POF1B: variants seen among roughly 807,000 people sequenced by gnomAD.
POF1B encodes protein POF1B.
Under a neutral mutation model 55.3 loss-of-function variants are expected in POF1B, and 53 were observed. That is an observed-to-expected ratio of 0.96 (90% confidence interval 0.77 to 1.20). The LOEUF is 1.20. Ranked by LOEUF, POF1B falls within the 50% of genes most tolerant of loss-of-function variation. POF1B has a pLI of 0.00. For missense variants in POF1B, 478 were observed against 420.5 expected, an observed-to-expected ratio of 1.14 and a Z score of -1.20; for synonymous variants, 188 against 148.3, an observed-to-expected ratio of 1.27 and a Z score of -1.95.
rs761406443 is a variant in POF1B, at chrX:85,350,332, T to C, written c.540+1018A>G. ...GTTTACTGAGAATGATGATTTCCAA[T>C]TTCATCCATGTCCCTACAAAGGACA... On this transcript the variant is annotated intron_variant, in intron 5 of 16. Transcript: ENST00000262753. 6.4e-3 allele frequency among the ~76,000 whole-genome samples: 712 copies of C among 110,851 alleles called. 11 individuals are homozygous for C. Among genetic ancestry groups the C allele is most frequent in the African/African-American group, 0.022 (675 of 30,486 alleles).
rs151250031 is a variant in POF1B, at chrX:85,356,607, G to A, written c.438+2943C>T. 6.4e-3 allele frequency among the ~76,000 whole-genome samples: 699 copies of A among 109,901 alleles called. 2 individuals carry two copies. The highest frequency in any genetic ancestry group is 0.019 in the Middle Eastern group (4 of 214). The stretch of plus-strand genomic sequence containing the variant: ...TTACTTTCCCCAAATCTGTAAGGAA[G>A]TAAATCAAAAATTGATTTAAATAAA... On this transcript the variant is annotated intron_variant, in intron 4 of 16. Coordinates refer to ENST00000262753, the MANE Select transcript of POF1B (RefSeq NM_024921.4).
chrX:85,357,529 C>G (rs906772563), intron 4 of POF1B, among the ~76,000 whole-genome samples: 2 of 111,051 alleles, frequency 1.8e-5, no homozygotes, highest in Non-Finnish European at 3.8e-5. Flanking sequence ...ACCAAAACTG[C>G]TCTATCAATG....
At chrX:85,286,345 C>T (rs1319956202) in intron 15 of POF1B, among the ~76,000 whole-genome samples, 1 of 109,650 alleles carries the variant, frequency 9.1e-6, no homozygotes, top group South Asian at 3.8e-4. Flanking sequence ...TTAAATGAAA[C>T]ATGAAGAAAT....
At chrX:85,332,247 G>A (rs989779342) in intron 6 of POF1B, among the ~76,000 whole-genome samples, 15 of 111,260 alleles carry the variant, frequency 1.3e-4, no homozygotes, top group African/African-American at 4.9e-4. Flanking sequence ...GACTTCCCCC[G>A]TTTATTATTT....
Position 85,362,177 on chromosome X carries a change from T to C in POF1B, c.358-2547A>G, listed in dbSNP as rs1484342587. On this transcript the variant is annotated intron_variant, in intron 3 of 16. Coordinates refer to ENST00000262753, the MANE Select transcript of POF1B (RefSeq NM_024921.4). ...ATGGGAGTTTCTAGATATAGAATCA[T>C]GTCAACTGCAAACAGGGATAGTTTG... Among the ~76,000 whole-genome samples the C allele has an allele frequency of 2.1e-4, 23 of 111,323 alleles. No individual in the cohort carries two copies. The Admixed American group carries it at 2.2e-3, about 11-fold the overall frequency.
intron 3 of POF1B, among the ~76,000 whole-genome samples, chrX:85,363,941 G>A (rs994375654): frequency 9.0e-6 from 1 of 111,686 alleles, no homozygotes; most frequent in Non-Finnish European, 1.9e-5. Flanking sequence ...TGTGATGGGT[G>A]CATATATATT....
intron 2 of POF1B, among the ~76,000 whole-genome samples, chrX:85,371,541 C>T (rs1195685095): frequency 1.8e-5 from 2 of 111,178 alleles, no homozygotes; most frequent in African/African-American, 6.5e-5. Context: ...GCTGGAATTC[C>T]AACTCAGCAT....
At chrX:85,339,008 G>A (rs1376663938) in intron 6 of POF1B, among the ~76,000 whole-genome samples, 1 of 103,730 alleles carries the variant, frequency 9.6e-6, no homozygotes, top group East Asian at 3.0e-4. Context: ...ATATCATGTT[G>A]TCAAGGGATA....
intron 7 of POF1B, among the ~76,000 whole-genome samples, chrX:85,330,589 G>C (rs778566724): frequency 9.0e-6 from 1 of 111,471 alleles, no homozygotes; most frequent in South Asian, 3.7e-4. Context: ...AAAAGGGCTT[G>C]TGTTTTTTGT....
intron 4 of POF1B, among the ~76,000 whole-genome samples, chrX:85,352,002 G>A (rs1222979554): frequency 1.8e-5 from 2 of 110,340 alleles, no homozygotes; most frequent in African/African-American, 3.3e-5. Context: ...AACAACATAC[G>A]TTTTGAATAT....
At chrX:85,358,176 T>C (rs756276399) in intron 4 of POF1B, among the ~76,000 whole-genome samples, 1 of 111,752 alleles carries the variant, frequency 8.9e-6, no homozygotes, top group African/African-American at 3.2e-5. Context: ...AAAACAATGC[T>C]AATATCAAGG....
chrX:85,345,360 A>G (rs888869071), intron 6 of POF1B, among the ~76,000 whole-genome samples: 4 of 111,652 alleles, frequency 3.6e-5, no homozygotes, highest in Non-Finnish European at 7.6e-5. Context: ...AATGTGATAC[A>G]TAATAAAATC....
At chrX:85,353,583 A>T (rs1018338726) in intron 4 of POF1B, among the ~76,000 whole-genome samples, 1 of 111,345 alleles carries the variant, frequency 9.0e-6, no homozygotes, top group South Asian at 3.7e-4. Context: ...CACAGTGCAT[A>T]GTAATCCCTT....
intron 3 of POF1B, among the ~76,000 whole-genome samples, chrX:85,364,169 C>T (rs1478359972): frequency 1.8e-5 from 2 of 111,035 alleles, no homozygotes; most frequent in African/African-American, 6.6e-5. Flanking sequence ...TTGAAGACAG[C>T]ATTTTTTAGG....
intron 2 of POF1B, among the ~76,000 whole-genome samples, chrX:85,369,302 G>A (rs544667465): frequency 9.8e-4 from 109 of 111,277 alleles, no homozygotes; most frequent in African/African-American, 3.3e-3. Context: ...TGTGCAGGCA[G>A]GTTTGGCCCA....
At chrX:85,304,741 A>G (rs1733431998) in intron 13 of POF1B, among the ~76,000 whole-genome samples, 1 of 111,404 alleles carries the variant, frequency 9.0e-6, no homozygotes, top group African/African-American at 3.2e-5. Flanking sequence ...AAGTAAAGCT[A>G]AGAAAACAGG....
intron 7 of POF1B, among the ~76,000 whole-genome samples, chrX:85,319,446 C>T (rs146187169): frequency 1.3e-3 from 144 of 110,719 alleles, no homozygotes; most frequent in African/African-American, 4.2e-3. Context: ...TATCTTGTTC[C>T]GGTTTCAAGA....
chrX:85,315,819 T>C, intron 7 of POF1B, 85 bp from the exon 8 acceptor site: 1 of 758,810 alleles, frequency 1.3e-6, no homozygotes, highest in Non-Finnish European at 1.8e-6. Context: ...ATTAATTTTA[T>C]CTTACTTTTT....
At chrX:85,326,778 CG>C (rs1932902154) in intron 7 of POF1B, among the ~76,000 whole-genome samples, 1 of 109,110 alleles carries the variant, frequency 9.2e-6, no homozygotes, top group African/African-American at 3.3e-5. Flanking sequence ...TGCATGCCCA[CG>C]GGGGCTGCTT....
Sources: gnomAD v4.1 joint callset for allele counts (sites outside exome capture counted in the v4.1 genomes callset) on GRCh38, gnomAD v4.1.1 for gene constraint, MANE v1.5 for transcripts, NCBI Gene and HGNC (gene_info 2026-07-23, HGNC 2026-07-21) for gene names.